COLEC12: variants seen among roughly 807,000 people sequenced by gnomAD.
COLEC12 encodes the protein collectin subfamily member 12.
COLEC12 carries 33 observed loss-of-function variants against 71.1 expected under a neutral mutation model. The ratio of observed to expected loss-of-function variants is 0.46; its 90% CI spans 0.35 to 0.62. The LOEUF (loss-of-function observed/expected upper bound fraction) is 0.62, where lower values mean the gene tolerates loss of function less well. Ranked by LOEUF, COLEC12 falls within the 20% of genes least tolerant of loss-of-function variation. COLEC12 has a pLI of 0.00. For missense variants in COLEC12, 765 were observed against 916.1 expected (o/e 0.84, Z 2.13); for synonymous variants, 350 against 353.0 (o/e 0.99, Z 0.10).
intron 2 of COLEC12, among the ~76,000 whole-genome samples, chr18:476,669 C>A (rs188361538): frequency 1.2e-4 from 18 of 152,368 alleles, no homozygotes; most frequent in African/African-American, 4.1e-4. Flanking sequence ...CTTTCCCTTT[C>A]TGCTAAGCAT....
chr18:319,337 A>ATATATAT lies in COLEC12; in HGVS notation c.*707_*708insATATATA, dbSNP rs1263631595. 8.0e-4 allele frequency: 29 copies of ATATATAT among 36,402 alleles called. No homozygotes were observed. In the East Asian group the frequency reaches 0.011, roughly 14 times the overall value. The allele number at this position is 36,402 out of a possible 1,614,324, so 2.3% of individuals were successfully genotyped here. A position where few individuals can be genotyped will look rare whatever the true frequency, so the allele number is the denominator to read the frequency against. ...ATGAAACATTAAAAAAAAAAAAAAAAAAAAATATATATATATATATATATA... is the reference window on the plus strand; with the variant it reads ...ATGAAACATTAAAAAAAAAAAAAAAATATATATAAAAATATATATATATATATATATA... On this transcript the variant is annotated 3_prime_UTR_variant, in exon 10 of 10. Coordinates refer to ENST00000400256, the MANE Select transcript of COLEC12 (RefSeq NM_130386.3).
At chr18:415,183 CA>C (rs1469077252) in intron 2 of COLEC12, among the ~76,000 whole-genome samples, 1 of 152,210 alleles carries the variant, frequency 6.6e-6, no homozygotes, top group Non-Finnish European at 1.5e-5. Context: ...TTGATTGCAG[CA>C]ACAGTTCTGT....
At chr18:437,808 G>A (rs972186683) in intron 2 of COLEC12, among the ~76,000 whole-genome samples, 3 of 152,196 alleles carry the variant, frequency 2.0e-5, no homozygotes, top group Middle Eastern at 3.4e-3. Flanking sequence ...AAGCTTTGTC[G>A]CATCTATCAG....
chr18:377,738 C>G (rs1235374905), intron 2 of COLEC12, among the ~76,000 whole-genome samples: 1 of 152,134 alleles, frequency 6.6e-6, no homozygotes, highest in Non-Finnish European at 1.5e-5. Flanking sequence ...CTATTCAGAG[C>G]CTGAGCTTGG....
intron 2 of COLEC12, among the ~76,000 whole-genome samples, chr18:387,462 A>G (rs1915369942): frequency 6.6e-6 from 1 of 152,094 alleles, no homozygotes. Flanking sequence ...CTTAATGGCT[A>G]GAACTCCATT....
chr18:410,101 C>G (rs534302444), intron 2 of COLEC12, among the ~76,000 whole-genome samples: 56 of 152,340 alleles, frequency 3.7e-4, no homozygotes, highest in Non-Finnish European at 6.6e-4. Flanking sequence ...TGAAATTAAG[C>G]ATAAAGTGCC....
At chr18:406,366 AGGCGCGGTGGCG>A (rs1915785510) in intron 2 of COLEC12, among the ~76,000 whole-genome samples, 1 of 151,646 alleles carries the variant, frequency 6.6e-6, no homozygotes, top group Non-Finnish European at 1.5e-5. Flanking sequence ...AAAATTAGCC[AGGCGCGGTGGCG>A]GGCGCCTGTA....
intron 1 of COLEC12, among the ~76,000 whole-genome samples, chr18:494,753 T>C (rs1917679008): frequency 6.6e-6 from 1 of 152,202 alleles, no homozygotes; most frequent in Non-Finnish European, 1.5e-5. Flanking sequence ...AGAAAATGAC[T>C]GGGGCAAAAG....
chr18:500,428 G>A lies in COLEC12; in HGVS notation c.7+80C>T. 2 of 996,170 alleles carry A rather than the reference G, an allele frequency of 2.0e-6. No individual in the cohort carries two copies. The highest frequency in any genetic ancestry group is 2.5e-6 in the Non-Finnish European group (2 of 784,964). 61.7% of individuals were successfully genotyped at this position (996,170 alleles called of 1,614,324 possible). A position where few individuals can be genotyped will look rare whatever the true frequency, so the allele number is the denominator to read the frequency against. ...CGCAGCCCAAGGGAAGGTTCGCGCG[G>A]GAGGCACCTCCGTGGCCTCCCGCGC... is the stretch of plus-strand genomic sequence containing the variant. On this transcript the variant is annotated intron_variant, in intron 1 of 9. Transcript: ENST00000400256. The surrounding 1 kb of genome is among the most constrained non-coding windows in gnomAD (Gnocchi z 5.3).
intron 2 of COLEC12, among the ~76,000 whole-genome samples, chr18:386,881 G>A (rs1213237848): frequency 1.3e-5 from 2 of 151,938 alleles, no homozygotes; most frequent in African/African-American, 4.8e-5. Flanking sequence ...GCACCTTCTG[G>A]GCACACATAG....
intron 2 of COLEC12, among the ~76,000 whole-genome samples, chr18:380,558 T>A (rs2143559303): frequency 6.6e-6 from 1 of 152,298 alleles, no homozygotes; most frequent in South Asian, 2.1e-4. Flanking sequence ...CAGCATTCAT[T>A]TGAATTCCAC....
intron 9 of COLEC12, 140 bp from the exon 10 acceptor site, chr18:320,204 T>C (rs900874691): frequency 5.0e-5 from 28 of 560,216 alleles, no homozygotes; most frequent in Middle Eastern, 9.4e-4. Context: ...TTCAAAGAAA[T>C]GTCTAGAAGA....
At chr18:487,372 G>A (rs192616483) in intron 1 of COLEC12, among the ~76,000 whole-genome samples, 1 of 152,300 alleles carries the variant, frequency 6.6e-6, no homozygotes, top group Admixed American at 6.5e-5. Flanking sequence ...TTTTAGGGTG[G>A]TGAAACTTCT....
At chr18:497,602 C>T (rs2143800500) in intron 1 of COLEC12, among the ~76,000 whole-genome samples, 1 of 152,330 alleles carries the variant, frequency 6.6e-6, no homozygotes, top group Middle Eastern at 3.4e-3. Context: ...GACAGGGTTT[C>T]ATTACATGTT....
intron 2 of COLEC12, among the ~76,000 whole-genome samples, chr18:381,894 T>TA (rs201452666): frequency 2.0e-5 from 3 of 152,090 alleles, no homozygotes; most frequent in South Asian, 4.1e-4. Flanking sequence ...ATTTTTTTTT[T>TA]AAAAAGCTCA....
In COLEC12 at chr18:409,406, C is replaced by A. The variant is rs917305718; in HGVS notation, c.59-51884G>T. 7.9e-5 allele frequency among the ~76,000 whole-genome samples: 12 copies of A among 152,170 alleles called. No homozygotes were observed. In the South Asian group the frequency reaches 1.5e-3, roughly 18 times the overall value. On this transcript the variant is annotated intron_variant, in intron 2 of 9. Coordinates refer to ENST00000400256, the MANE Select transcript of COLEC12 (RefSeq NM_130386.3). ...AAAATTAGCTGGGTGTGGTGGTGCA[C>A]GCCTGTAATCCCAGCTACTCGGGAG...
rs56024245 is a variant in COLEC12, at chr18:442,002, T to TACACACACAC, written c.58+38695_58+38704dup. Among the ~76,000 whole-genome samples the TACACACACAC allele has an allele frequency of 3.7e-3, 450 of 120,788 alleles. 2 individuals are homozygous for TACACACACAC. The highest frequency in any genetic ancestry group is 6.6e-3 in the African/African-American group (171 of 25,718). 79.2% of individuals were successfully genotyped at this position (120,788 alleles called of 152,430 possible). On this transcript the variant is annotated intron_variant, in intron 2 of 9. Coordinates refer to ENST00000400256, the MANE Select transcript of COLEC12 (RefSeq NM_130386.3). Reference sequence around the variant, plus strand: ...GTGACAGAGTGAGACTCTCTCTCTCTACACACACACACACACACACACACA... The same window carrying TACACACACAC: ...GTGACAGAGTGAGACTCTCTCTCTCTACACACACACACACACACACACACACACACACACA...
rs757520445 is a variant in COLEC12 at position 347,195 on chromosome 18, C to T, written c.427G>A (p.Gly143Arg). Residue 143 changes from glycine to arginine, a missense_variant, in exon 5 of 10, where the codon GGG (glycine) becomes AGG (arginine). Gly to Arg is a moderately radical substitution (Grantham distance 125). Coordinates refer to ENST00000400256, the MANE Select transcript of COLEC12 (RefSeq NM_130386.3). ...CTCTGCCTGTCCACCAGAGCATCCC[C>T]GCTCGCCTGTAACTTCTCCAGCGTA... ...KDTLEKLQAS[G>R]DALVDRQSQL... The T allele has an allele frequency of 1.9e-5, 31 of 1,614,044 alleles. No homozygotes were observed. Among genetic ancestry groups the T allele is most frequent in the East Asian group, 4.5e-5 (2 of 44,896 alleles).
chr18:390,515 A>T (rs184780589), intron 2 of COLEC12, among the ~76,000 whole-genome samples: 1 of 152,344 alleles, frequency 6.6e-6, no homozygotes, highest in Non-Finnish European at 1.5e-5. Context: ...TAATCCCAGC[A>T]CTTTGGGAGG....
Sources: allele counts gnomAD v4.1 joint callset (sites outside exome capture counted in the v4.1 genomes callset), GRCh38; gene constraint gnomAD v4.1.1; non-coding constraint Gnocchi (gnomAD v3.1); transcripts MANE v1.5; gene names NCBI Gene and HGNC (gene_info 2026-07-23, HGNC 2026-07-21).